Variants in THSD7A observed in about 807,000 individuals in gnomAD.
THSD7A encodes the protein thrombospondin type 1 domain containing 7A.
THSD7A carries 96 observed loss-of-function variants against 231.3 expected under a neutral mutation model. The observed-to-expected ratio is 0.41, with a 90% CI of 0.35 to 0.49. The LOEUF is 0.49. Among genes scored for constraint, THSD7A ranks in the 20% least tolerant of loss-of-function variants. The pLI is 0.05. For missense variants in THSD7A, 2,290 were observed against 2,070.2 expected (o/e 1.11, Z -2.06); for synonymous variants, 940 against 743.3 (o/e 1.26, Z -4.30).
At chr7:11,744,405 T>C (rs1262781631) in intron 1 of THSD7A, among the ~76,000 whole-genome samples, 1 of 151,832 alleles carries the variant, frequency 6.6e-6, no homozygotes, top group African/African-American at 2.4e-5. Flanking sequence ...TATCAATTTT[T>C]ATGATACCAG....
At chr7:11,582,314 ATTAC>A (rs1791200714) in intron 4 of THSD7A, among the ~76,000 whole-genome samples, 1 of 151,880 alleles carries the variant, frequency 6.6e-6, no homozygotes, top group African/African-American at 2.4e-5. Context: ...AATATGTATT[ATTAC>A]TTAATAATTA....
At chr7:11,475,551 A>G (rs1786125985) in intron 7 of THSD7A, among the ~76,000 whole-genome samples, 1 of 149,440 alleles carries the variant, frequency 6.7e-6, no homozygotes, top group South Asian at 2.1e-4. Flanking sequence ...TCAGGGTTAT[A>G]AGTATATATA....
At chr7:11,382,707 G>T in intron 23 of THSD7A, 91 bp from the exon 24 acceptor site, 1 of 979,508 alleles carries the variant, frequency 1.0e-6, no homozygotes. Flanking sequence ...TTACTGAAAA[G>T]TAATAAGCTC....
At chr7:11,565,603 G>A (rs1246007037) in intron 4 of THSD7A, among the ~76,000 whole-genome samples, 1 of 144,142 alleles carries the variant, frequency 6.9e-6, no homozygotes, top group Non-Finnish European at 1.5e-5. Context: ...ATTTTCTAAG[G>A]AAATGGTTGT....
At chr7:11,504,372 C>T (rs1219365904) in intron 6 of THSD7A, among the ~76,000 whole-genome samples, 1 of 152,004 alleles carries the variant, frequency 6.6e-6, no homozygotes, top group Non-Finnish European at 1.5e-5. Flanking sequence ...GAGCTTAATA[C>T]CTGGGTAATG....
intron 2 of THSD7A, among the ~76,000 whole-genome samples, chr7:11,621,994 C>T (rs4324838): frequency 0.17 from 26,124 of 151,988 alleles, 3,800 homozygotes; most frequent in African/African-American, 0.39. Flanking sequence ...TTAAAGATAA[C>T]GTCATATTAG....
chr7:11,773,709 T>G (rs187646135), intron 1 of THSD7A, among the ~76,000 whole-genome samples: 1 of 152,032 alleles, frequency 6.6e-6, no homozygotes, highest in East Asian at 1.9e-4. Context: ...TGGGGTACAT[T>G]TTTTTTGATA....
At position 11,821,730 on chromosome 7, in the gene THSD7A, C is replaced by G. The variant is rs73300438; in HGVS notation, c.190+10027G>C. Among the ~76,000 whole-genome samples, 653 of 152,242 alleles carry G rather than the reference C, an allele frequency of 4.3e-3. 7 individuals carry two copies. Among genetic ancestry groups the G allele is most frequent in the African/African-American group, 0.015 (624 of 41,548 alleles). On this transcript the variant is annotated intron_variant, in intron 1 of 27. Coordinates refer to ENST00000423059, the MANE Select transcript of THSD7A (RefSeq NM_015204.3). Reference sequence around the variant, plus strand: ...TGACTTGGAACCTCCTACAAAATTACCCTACTGCATGTGACATTTGAAAAT... The same window carrying G: ...TGACTTGGAACCTCCTACAAAATTAGCCTACTGCATGTGACATTTGAAAAT...
chr7:11,825,461 G>A (rs1335974690), intron 1 of THSD7A, among the ~76,000 whole-genome samples: 2 of 152,018 alleles, frequency 1.3e-5, no homozygotes, highest in Non-Finnish European at 2.9e-5. Flanking sequence ...GTATCAATTC[G>A]TATTTTCTAG....
intron 1 of THSD7A, among the ~76,000 whole-genome samples, chr7:11,714,540 T>C (rs1584250908): frequency 6.6e-6 from 1 of 151,242 alleles, no homozygotes; most frequent in Non-Finnish European, 1.5e-5. Flanking sequence ...ATTTCATAAG[T>C]GAATAAATGA....
chr7:11,720,669 A>T (rs1321294383), intron 1 of THSD7A, among the ~76,000 whole-genome samples: 2 of 151,536 alleles, frequency 1.3e-5, no homozygotes, highest in Non-Finnish European at 2.9e-5. Flanking sequence ...ACTGGTTCTT[A>T]TCTCCATCAC....
chr7:11,413,682 G>C (rs560530399), intron 17 of THSD7A: 1 of 152,340 alleles, frequency 6.6e-6, no homozygotes, highest in African/African-American at 2.4e-5. Flanking sequence ...CATCAGGCTG[G>C]GAGAGGAGAG....
chr7:11,587,968 G>A (rs1455017105), intron 4 of THSD7A, among the ~76,000 whole-genome samples: 2 of 152,140 alleles, frequency 1.3e-5, no homozygotes, highest in East Asian at 1.9e-4. Context: ...AGAACACATG[G>A]TGTGAAACTG....
Position 11,469,917 on chromosome 7 carries a change from T to C in THSD7A, c.2330A>G (p.Tyr777Cys), listed in dbSNP as rs747615302. Residue 777 changes from tyrosine to cysteine, a missense_variant, in exon 9 of 28, where the codon TAT becomes TGT. Transcript: ENST00000423059. The part of the protein sequence containing the change: ...PCKKDCIVTP[Y>C]SDWTSCPSSC... Reference sequence around the variant, plus strand: ...AGAGGGGCATGATGTCCAGTCACTATATGGGGTCACAATACAGTCCTTCTT... The same window carrying C: ...AGAGGGGCATGATGTCCAGTCACTACATGGGGTCACAATACAGTCCTTCTT... The C allele has an allele frequency of 4.0e-5, 64 of 1,602,976 alleles. No homozygotes were observed. The highest frequency in any genetic ancestry group is 4.3e-6 in the Non-Finnish European group (5 of 1,174,264).
intron 6 of THSD7A, among the ~76,000 whole-genome samples, chr7:11,533,746 C>G (rs2051796): frequency 0.79 from 120,122 of 152,082 alleles, 48,197 homozygotes; most frequent in African/African-American, 0.93. Context: ...GTGTGGGGAG[C>G]AGGGAGAGCA....
chr7:11,721,523 TG>T (rs544685189), intron 1 of THSD7A, among the ~76,000 whole-genome samples: 22,661 of 151,738 alleles, frequency 0.15, 1,844 homozygotes, highest in Admixed American at 0.19. Context: ...TACGGAACTG[TG>T]AGTCAATAAA....
chr7:11,801,479 G>GT (rs2128181525), intron 1 of THSD7A, among the ~76,000 whole-genome samples: 1 of 152,240 alleles, frequency 6.6e-6, no homozygotes, highest in East Asian at 1.9e-4. Context: ...AGGTAACAAC[G>GT]TTAGAAAGTG....
intron 4 of THSD7A, among the ~76,000 whole-genome samples, chr7:11,570,886 A>G (rs1369173585): frequency 6.6e-6 from 1 of 152,232 alleles, no homozygotes; most frequent in African/African-American, 2.4e-5. Flanking sequence ...GAGGATATTT[A>G]GAGGTAGATC....
Position 11,446,228 on chromosome 7 carries a change from A to G in THSD7A, c.2897T>C (p.Val966Ala), listed in dbSNP as rs1253895598. 5 of 1,613,364 alleles carry G rather than the reference A, an allele frequency of 3.1e-6. No homozygotes were observed. In the African/African-American group the frequency reaches 6.7e-5, roughly 22 times the overall value. The part of the protein sequence containing the change: ...CPCDKYNAQP[V>A]GNWSDCILPE... Reference sequence around the variant, plus strand: ...TAAAATACAGTCTGACCAGTTCCCCACAGGTTGTGCATTATATTTGTCACA... The same window carrying G: ...TAAAATACAGTCTGACCAGTTCCCCGCAGGTTGTGCATTATATTTGTCACA... Residue 966 changes from valine (V) to alanine (A), a missense_variant, in exon 13 of 28, where the codon GTG becomes GCG. Coordinates refer to ENST00000423059, the MANE Select transcript of THSD7A (RefSeq NM_015204.3). The surrounding 1 kb of genome is among the most constrained non-coding windows in gnomAD (Gnocchi z 4.0).
Sources: gnomAD v4.1 joint callset for allele counts (sites outside exome capture counted in the v4.1 genomes callset) on GRCh38, gnomAD v4.1.1 for gene constraint, Gnocchi (gnomAD v3.1) non-coding constraint, MANE v1.5 for transcripts, NCBI Gene and HGNC (gene_info 2026-07-23, HGNC 2026-07-21) for gene names.